The following ADAMTSL2 variants were observed in gnomAD, a reference collection of about 807,000 sequenced individuals.
ADAMTSL2 encodes the protein ADAMTS like 2.
ADAMTSL2 carries 55 observed loss-of-function variants against 117.0 expected under a neutral mutation model. That is an observed-to-expected ratio of 0.47 (90% CI 0.38 to 0.59). The LOEUF is 0.59. Ranked by LOEUF, ADAMTSL2 falls within the 20% of genes least tolerant of loss-of-function variation. ADAMTSL2 has a pLI of 0.00. For missense variants in ADAMTSL2, 1,182 were observed against 1,354.5 expected (o/e 0.87, Z 2.00); for synonymous variants, 572 against 566.4 (o/e 1.01, Z -0.14).
intron 12 of ADAMTSL2, among the ~76,000 whole-genome samples, chr9:133,561,957 C>G (rs1026104182): frequency 1.3e-5 from 2 of 152,208 alleles, no homozygotes; most frequent in Non-Finnish European, 1.5e-5. Flanking sequence ...GATGTCAAAC[C>G]CAGGATCAGG....
chr9:133,544,695 A>G (rs1164621023), intron 8 of ADAMTSL2, 145 bp downstream of exon 8: 3 of 782,956 alleles, frequency 3.8e-6, no homozygotes, highest in African/African-American at 3.4e-5. Flanking sequence ...AGGAGCCAGA[A>G]CTTGAGCCAG....
At chr9:133,546,897 C>T in intron 8 of ADAMTSL2, 141 bp from the exon 9 acceptor site, 1 of 878,776 alleles carries the variant, frequency 1.1e-6, no homozygotes, top group South Asian at 1.4e-5. Context: ...GCCAGACTCT[C>T]CATGATGGGA....
intron 17 of ADAMTSL2, among the ~76,000 whole-genome samples, chr9:133,571,544 G>T (rs1367007548): frequency 2.0e-5 from 3 of 152,188 alleles, no homozygotes; most frequent in Non-Finnish European, 2.9e-5. Flanking sequence ...TTCCTGTGGG[G>T]CCTCCGGGTG....
rs2073880 is a variant in ADAMTSL2, at chr9:133,547,332, C to T, written c.939+119C>T. ...CCCAGGGCCACTGTGCGCGTGCACCCGGCAGCCTCACCACTCTGCGTGGGC... is the reference window on the plus strand; with the variant it reads ...CCCAGGGCCACTGTGCGCGTGCACCTGGCAGCCTCACCACTCTGCGTGGGC... On this transcript the variant is annotated intron_variant, in intron 9 of 18. Transcript: ENST00000651351. The T allele has an allele frequency of 0.12, 122,020 of 994,470 alleles. 8,363 individuals are homozygous for T. Among genetic ancestry groups the T allele is most frequent in the East Asian group, 0.16 (6,548 of 41,722 alleles). The allele number at this position is 994,470 out of a possible 1,614,324, so 61.6% of individuals were successfully genotyped here. A position where few individuals can be genotyped will look rare whatever the true frequency, so the allele number is the denominator to read the frequency against.
At chr9:133,572,323 G>A (rs1455864254) in intron 17 of ADAMTSL2, among the ~76,000 whole-genome samples, 1 of 152,208 alleles carries the variant, frequency 6.6e-6, no homozygotes, top group African/African-American at 2.4e-5. Context: ...TGGGCCTGGG[G>A]CTTCCCAGGG....
rs751255105 is a variant in ADAMTSL2, at chr9:133,547,028, G to C, written c.764-10G>C. On this transcript the variant is annotated splice_polypyrimidine_tract_variant and intron_variant, in intron 8 of 18. Transcript: ENST00000651351. ...TTGGCCTTTTGTGACCGGCGGCTTT[G>C]CCCTTCCAGCTCTTGCAGACGAAGC... is the stretch of plus-strand genomic sequence containing the variant. The C allele has an allele frequency of 2.7e-5, 44 of 1,613,492 alleles. No homozygotes were observed. Among genetic ancestry groups the C allele is most frequent in the Middle Eastern group, 3.3e-4 (2 of 6,082 alleles).
chr9:133,547,827 T>C (rs749042711), intron 9 of ADAMTSL2, among the ~76,000 whole-genome samples: 1 of 152,008 alleles, frequency 6.6e-6, no homozygotes, highest in Admixed American at 6.6e-5. Context: ...TACTCAGGGG[T>C]TCTGGGGTGG....
At chr9:133,570,226 C>T (rs1190441530) in intron 16 of ADAMTSL2, 105 bp from the exon 17 acceptor site, 12 of 1,282,612 alleles carry the variant, frequency 9.4e-6, no homozygotes, top group African/African-American at 3.0e-5. Flanking sequence ...GCATTCTCAC[C>T]CAATTGCTAT....
Position 133,570,341 on chromosome 9 carries a change from C to T in ADAMTSL2, c.2426C>T (p.Thr809Ile). ...CTGCCCCGGCCTCAGTGCAACACCACCTGCGGGCGCGGGGTCAAGAAGCGG... is the reference window on the plus strand; with the variant it reads ...CTGCCCCGGCCTCAGTGCAACACCATCTGCGGGCGCGGGGTCAAGAAGCGG... Reference protein sequence around the residue: ...LAQDWERCNTTCGRGVKKRLV... With the variant: ...LAQDWERCNTICGRGVKKRLV... Residue 809 changes from threonine to isoleucine, a missense_variant, in exon 17 of 19, where the codon ACC (threonine) becomes ATC (isoleucine). Thr to Ile is a moderately conservative substitution (Grantham distance 89). Around this residue, in one of 3 missense-constraint regions of ADAMTSL2, gnomAD observed 465 missense variants for 565.3 expected, o/e 0.82. Transcript: ENST00000651351. The T allele has an allele frequency of 1.3e-6, 2 of 1,545,940 alleles. No homozygotes were observed. The highest frequency in any genetic ancestry group is 1.7e-6 in the Non-Finnish European group (2 of 1,147,086).
At chr9:133,564,636 GA>G (rs1830912255) in intron 12 of ADAMTSL2, among the ~76,000 whole-genome samples, 2 of 39,592 alleles carry the variant, frequency 5.1e-5, no homozygotes, top group Non-Finnish European at 1.3e-4. Context: ...GAGAGAGAGA[GA>G]GAGGGAGAGA....
chr9:133,539,886 C>T lies in ADAMTSL2; in HGVS notation c.412+13C>T. On this transcript the variant is annotated intron_variant, in intron 5 of 18. Transcript: ENST00000651351. The stretch of plus-strand genomic sequence containing the variant: ...CCTCTGTACCCGGGTACCTGCCGCC[C>T]TGGGGACCCACCTTGCAGGGAGCTG... The T allele has an allele frequency of 6.4e-7, 1 of 1,550,552 alleles. No homozygotes were observed. The highest frequency in any genetic ancestry group is 1.4e-5 in the African/African-American group (1 of 73,186).
Position 133,554,597 on chromosome 9 carries a change from G to T in ADAMTSL2, c.1180G>T (p.Glu394Ter). ...GTTCGGCCACCCGGGCCTGGACATG[G>T]AGCTGGGCCCCAGCCAGGGCCAGGA... ...RLFGHPGLDMELGPSQGQETN... is the reference protein window; with the variant it reads ...RLFGHPGLDM Residue 394 changes from glutamate to a stop codon, truncating the protein, a stop_gained, in exon 10 of 19, where the codon GAG becomes TAG. Coordinates refer to ENST00000651351, the MANE Select transcript of ADAMTSL2 (RefSeq NM_014694.4). LOFTEE classifies it high-confidence loss of function. This position sits in a 1 kb window ranked among gnomAD's most constrained non-coding sequence, Gnocchi z 5.2. The T allele has an allele frequency of 1.3e-6, 2 of 1,548,198 alleles. No homozygotes were observed. The highest frequency in any genetic ancestry group is 2.0e-5 in the Admixed American group (1 of 51,082).
At chr9:133,556,108 G>T (rs1436756100) in intron 11 of ADAMTSL2, among the ~76,000 whole-genome samples, 178 bp downstream of exon 11, 1 of 152,228 alleles carries the variant, frequency 6.6e-6, no homozygotes, top group African/African-American at 2.4e-5. Flanking sequence ...GTGGATCTGA[G>T]CACAAAGTCA....
chr9:133,566,119 C>T (rs1024602968), intron 12 of ADAMTSL2, among the ~76,000 whole-genome samples: 2 of 152,162 alleles, frequency 1.3e-5, no homozygotes, highest in African/African-American at 4.8e-5. Context: ...GTACGGGGCA[C>T]CAACAAAGAC....
rs1220131935 is a variant in ADAMTSL2, at chr9:133,538,452, A to G, written c.309+28A>G. The G allele has an allele frequency of 8.7e-6, 14 of 1,610,946 alleles. No homozygotes were observed. The East Asian group carries it at 2.9e-4, about 33-fold the overall frequency. Reference sequence around the variant, plus strand: ...GAGGCCCGGCCCGGGCAGGGGCACCATGGCCTGCTCTCCCTGTCATCATGC... The same window carrying G: ...GAGGCCCGGCCCGGGCAGGGGCACCGTGGCCTGCTCTCCCTGTCATCATGC... On this transcript the variant is annotated intron_variant, in intron 4 of 18. Transcript: ENST00000651351.
chr9:133,562,064 T>TAG (rs1564507310), intron 12 of ADAMTSL2, among the ~76,000 whole-genome samples: 1 of 152,230 alleles, frequency 6.6e-6, no homozygotes, highest in Non-Finnish European at 1.5e-5. Context: ...TGTTTGGATG[T>TAG]AGAGGATACC....
At position 133,573,977 on chromosome 9, in the gene ADAMTSL2, G is replaced by A. The variant is rs1831170003; in HGVS notation, c.2727G>A (p.Thr909=). The change falls in exon 18 of 19, where the codon ACG becomes ACA. Residue 909 remains threonine (T), a synonymous_variant. Coordinates refer to ENST00000651351, the MANE Select transcript of ADAMTSL2 (RefSeq NM_014694.4). ...RQACDLQPCP[T]EPPDDSCQDQ... Reference sequence around the variant, plus strand: ...CCTGTGATCTGCAGCCCTGCCCCACGGAGCCCCCAGGTGAGGCGCGGGGAG... The same window carrying A: ...CCTGTGATCTGCAGCCCTGCCCCACAGAGCCCCCAGGTGAGGCGCGGGGAG... 7.4e-6 allele frequency: 12 copies of A among 1,613,300 alleles called. No individual in the cohort carries two copies. Among genetic ancestry groups the A allele is most frequent in the East Asian group, 2.2e-5 (1 of 44,872 alleles).
At position 133,554,655 on chromosome 9, in the gene ADAMTSL2, G is replaced by T; in HGVS notation, c.1238G>T (p.Gly413Val). Residue 413 changes from glycine to valine, a missense_variant, in exon 10 of 19, where the codon GGG becomes GTG. Coordinates refer to ENST00000651351, the MANE Select transcript of ADAMTSL2 (RefSeq NM_014694.4). This position sits in a 1 kb window ranked among gnomAD's most constrained non-coding sequence, Gnocchi z 5.2. ...GAGGTGTGCGAGCAGGCCGGCGGCGGGGCCTGCGAGGGGCCCCCCAGGGGC... is the reference window on the plus strand; with the variant it reads ...GAGGTGTGCGAGCAGGCCGGCGGCGTGGCCTGCGAGGGGCCCCCCAGGGGC... ...TNEVCEQAGGGACEGPPRGKG... is the reference protein window; with the variant it reads ...TNEVCEQAGGVACEGPPRGKG... The T allele has an allele frequency of 6.6e-7, 1 of 1,521,218 alleles. No individual in the cohort carries two copies. The highest frequency in any genetic ancestry group is 1.2e-5 in the South Asian group (1 of 82,030). 94.2% of individuals were successfully genotyped at this position (1,521,218 alleles called of 1,614,324 possible).
intron 17 of ADAMTSL2, among the ~76,000 whole-genome samples, chr9:133,573,134 A>G (rs1239954914): frequency 1.3e-5 from 2 of 152,182 alleles, no homozygotes; most frequent in Non-Finnish European, 1.5e-5. Flanking sequence ...CACCCCACCC[A>G]TCTCAGAGGA....
Sources: allele counts gnomAD v4.1 joint callset (sites outside exome capture counted in the v4.1 genomes callset), GRCh38; gene constraint gnomAD v4.1.1; regional missense constraint gnomAD v4.1.1; non-coding constraint Gnocchi (gnomAD v3.1); transcripts MANE v1.5; gene names NCBI Gene and HGNC (gene_info 2026-07-23, HGNC 2026-07-21).